Variants in ORC2 observed in about 807,000 individuals in gnomAD.
ORC2 encodes the protein origin recognition complex subunit 2, also known as origin recognition complex protein 2 homolog.
Under a neutral mutation model 77.7 loss-of-function variants are expected in ORC2, and 37 were observed. That is an observed-to-expected ratio of 0.48 (90% CI 0.37 to 0.63). The LOEUF (loss-of-function observed/expected upper bound fraction) is 0.63, where lower values mean the gene tolerates loss of function less well. ORC2 is among the 20% of genes least tolerant of loss of function. The pLI, the probability that ORC2 is intolerant of heterozygous loss-of-function variation, is 0.00. For missense variants in ORC2, 557 were observed against 661.9 expected, an observed-to-expected ratio of 0.84 and a Z score of 1.74; for synonymous variants, 201 against 229.5, an observed-to-expected ratio of 0.88 and a Z score of 1.12.
At chr2:200,937,789 A>C (rs1445861675) in intron 8 of ORC2, 117 bp downstream of exon 8, 1 of 692,054 alleles carries the variant, frequency 1.4e-6, no homozygotes, top group Non-Finnish European at 2.5e-6. Flanking sequence ...GTTGCAACTA[A>C]AAGCCAAAGA....
At chr2:200,962,268 G>A (rs1016540716) in intron 1 of ORC2, among the ~76,000 whole-genome samples, 3 of 152,206 alleles carry the variant, frequency 2.0e-5, no homozygotes, top group African/African-American at 4.8e-5. Flanking sequence ...CTGCCTTGGT[G>A]CTTATAGGCC....
intron 1 of ORC2, chr2:200,963,153 C>G (rs2125047970): frequency 3.4e-6 from 1 of 298,158 alleles, no homozygotes; most frequent in African/African-American, 2.2e-5. Flanking sequence ...TCAGGCGTCC[C>G]TTGCACAAAA....
rs1194133365 is a variant in ORC2 at position 200,937,976 on chromosome 2, A to T, written c.454-10T>A. ...CACTTTTGTCATTGTTCTGTTTAGAAATAGAAAAAGCATTAAATAATAACA... is the reference window on the plus strand; with the variant it reads ...CACTTTTGTCATTGTTCTGTTTAGATATAGAAAAAGCATTAAATAATAACA... On this transcript the variant is annotated splice_polypyrimidine_tract_variant and intron_variant, in intron 7 of 17. Coordinates refer to ENST00000234296, the MANE Select transcript of ORC2 (RefSeq NM_006190.5). 6.3e-7 allele frequency: 1 copy of T among 1,575,050 alleles called. No individual in the cohort carries two copies. Among genetic ancestry groups the T allele is most frequent in the Non-Finnish European group, 8.7e-7 (1 of 1,151,284 alleles).
Position 200,921,006 on chromosome 2 carries a change from G to C in ORC2, c.1281C>G (p.Leu427=). ...NIYLIASIDH[L]NAPLMWDHAK... Reference sequence around the variant, plus strand: ...CAATTAACTTACTGAGAGGAGCATTGAGGTGGTCAATGGATGCTATAAGGT... The same window carrying C: ...CAATTAACTTACTGAGAGGAGCATTCAGGTGGTCAATGGATGCTATAAGGT... Residue 427 remains leucine, a synonymous_variant, in exon 14 of 18, where the codon CTC becomes CTG. Coordinates refer to ENST00000234296, the MANE Select transcript of ORC2 (RefSeq NM_006190.5). 6.3e-7 allele frequency: 1 copy of C among 1,589,204 alleles called. No homozygotes were observed. Among genetic ancestry groups the C allele is most frequent in the Non-Finnish European group, 8.6e-7 (1 of 1,166,952 alleles).
chr2:200,913,993 C>CAAA lies in ORC2; in HGVS notation c.1467-2_1467-1insTTT. The CAAA allele has an allele frequency of 1.4e-6, 2 of 1,410,906 alleles. No individual in the cohort carries two copies. Among genetic ancestry groups the CAAA allele is most frequent in the Non-Finnish European group, 1.9e-6 (2 of 1,037,464 alleles). 87.4% of individuals were successfully genotyped at this position (1,410,906 alleles called of 1,614,324 possible). ...TTTTATTAGTAGCCTGAAAATTCCCCTAAAAAAAAAAAAAAACAGGAATTT... is the reference window on the plus strand; with the variant it reads ...TTTTATTAGTAGCCTGAAAATTCCCCAAATAAAAAAAAAAAAAAACAGGAATTT... On this transcript the variant is annotated splice_acceptor_variant, in intron 15 of 17. Coordinates refer to ENST00000234296, the MANE Select transcript of ORC2 (RefSeq NM_006190.5). LOFTEE classifies it high-confidence loss of function.
intron 5 of ORC2, among the ~76,000 whole-genome samples, chr2:200,945,715 AT>A (rs912145780): frequency 2.0e-5 from 3 of 152,202 alleles, no homozygotes; most frequent in East Asian, 3.8e-4. Context: ...TTAGTCTATT[AT>A]CTGGTCCTAT....
intron 15 of ORC2, among the ~76,000 whole-genome samples, chr2:200,917,083 C>T (rs547508741): frequency 6.6e-6 from 1 of 150,530 alleles, no homozygotes; most frequent in African/African-American, 2.5e-5. Context: ...CAACCTTTAC[C>T]TCCTGGGTTC....
intron 13 of ORC2, among the ~76,000 whole-genome samples, chr2:200,923,249 A>C (rs1229747018): frequency 6.6e-6 from 1 of 152,010 alleles, no homozygotes; most frequent in Non-Finnish European, 1.5e-5. Context: ...TTTTATTTTT[A>C]TTTATTTACT....
At chr2:200,931,098 T>A (rs1300974351) in intron 11 of ORC2, among the ~76,000 whole-genome samples, 1 of 152,142 alleles carries the variant, frequency 6.6e-6, no homozygotes, top group Non-Finnish European at 1.5e-5. Flanking sequence ...ATTTATCTTA[T>A]CAATGGCTGT....
At chr2:200,957,027 G>C (rs1331038651) in intron 4 of ORC2, among the ~76,000 whole-genome samples, 1 of 152,090 alleles carries the variant, frequency 6.6e-6, no homozygotes, top group African/African-American at 2.4e-5. Context: ...TGGAGGGAGG[G>C]AGAGCATAAG....
At chr2:200,934,726 CACAA>C (rs935918999) in intron 9 of ORC2, among the ~76,000 whole-genome samples, 2 of 151,924 alleles carry the variant, frequency 1.3e-5, no homozygotes, top group South Asian at 4.2e-4. Flanking sequence ...AAAAGAAACC[CACAA>C]ACAAATAAAA....
intron 13 of ORC2, among the ~76,000 whole-genome samples, chr2:200,922,914 AATT>A (rs1226104820): frequency 2.0e-5 from 3 of 152,338 alleles, no homozygotes; most frequent in South Asian, 2.1e-4. Flanking sequence ...AACAAGGCAA[AATT>A]ATTATAGGAA....
intron 8 of ORC2, among the ~76,000 whole-genome samples, chr2:200,936,301 G>C (rs2041046829): frequency 6.6e-6 from 1 of 152,156 alleles, no homozygotes; most frequent in Non-Finnish European, 1.5e-5. Flanking sequence ...CAAGGTACCT[G>C]CTTTCCCAGC....
chr2:200,949,127 G>C (rs575082626), intron 5 of ORC2, among the ~76,000 whole-genome samples: 4 of 151,936 alleles, frequency 2.6e-5, no homozygotes, highest in African/African-American at 9.7e-5. Context: ...TGTAGTCTCA[G>C]CTACTCAGGA....
chr2:200,946,149 T>C (rs1488179432), intron 5 of ORC2, among the ~76,000 whole-genome samples: 1 of 136,778 alleles, frequency 7.3e-6, no homozygotes, highest in Non-Finnish European at 1.5e-5. Context: ...TGAAAATCTA[T>C]TTTTTTTTTT....
At chr2:200,914,759 T>A (rs2040611449) in intron 15 of ORC2, among the ~76,000 whole-genome samples, 1 of 152,124 alleles carries the variant, frequency 6.6e-6, no homozygotes, top group African/African-American at 2.4e-5. Flanking sequence ...AAATAAAATA[T>A]GAAAGTATTT....
At chr2:200,933,706 G>A (rs16835931) in intron 10 of ORC2, among the ~76,000 whole-genome samples, 170 bp downstream of exon 10, 2 of 151,956 alleles carry the variant, frequency 1.3e-5, no homozygotes, top group East Asian at 1.9e-4. Flanking sequence ...AGGTGTGCCC[G>A]GCCTATTTAC....
At chr2:200,916,642 T>C (rs991317000) in intron 15 of ORC2, among the ~76,000 whole-genome samples, 3 of 152,188 alleles carry the variant, frequency 2.0e-5, no homozygotes, top group Admixed American at 2.0e-4. Context: ...GAAGACTTTG[T>C]CCCCAATTCC....
At chr2:200,914,671 C>T (rs773868438) in intron 15 of ORC2, among the ~76,000 whole-genome samples, 23 of 151,976 alleles carry the variant, frequency 1.5e-4, no homozygotes, top group Non-Finnish European at 2.9e-5. Context: ...CTCAGCTACT[C>T]GGGAGGCTGA....
Sources: allele counts gnomAD v4.1 joint callset (sites outside exome capture counted in the v4.1 genomes callset), GRCh38; gene constraint gnomAD v4.1.1; transcripts MANE v1.5; gene names NCBI Gene and HGNC (gene_info 2026-07-23, HGNC 2026-07-21).